KIF4A: variants seen among roughly 807,000 people sequenced by gnomAD.
KIF4A encodes the protein kinesin family member 4A.
Under a neutral mutation model 105.9 loss-of-function variants are expected in KIF4A, and 7 were observed. The observed-to-expected ratio is 0.07, with a 90% CI of 0.04 to 0.12. The LOEUF is 0.12. KIF4A is among the 10% of genes least tolerant of loss of function. The pLI is 1.00. For synonymous variants in KIF4A, 281 were observed against 331.3 expected (o/e 0.85, Z 1.65); for missense variants, 558 against 929.2 (o/e 0.60, Z 5.19).
At chrX:70,364,977 C>T (rs1229382790) in intron 15 of KIF4A, among the ~76,000 whole-genome samples, 2 of 111,116 alleles carry the variant, frequency 1.8e-5, no homozygotes, top group South Asian at 3.8e-4. Flanking sequence ...AAGTTGGATT[C>T]CTAGGTATTT....
chrX:70,403,037 A>ATG (rs1305511263), intron 23 of KIF4A, among the ~76,000 whole-genome samples: 1 of 111,950 alleles, frequency 8.9e-6, no homozygotes, highest in Non-Finnish European at 1.9e-5. Context: ...CCCCTATGAG[A>ATG]TGTATATTCA....
chrX:70,395,808 T>G lies in KIF4A; in HGVS notation c.2370T>G (p.Asn790Lys), dbSNP rs781733037. 8.3e-7 allele frequency: 1 copy of G among 1,211,407 alleles called. No individual in the cohort carries two copies. The highest frequency in any genetic ancestry group is 1.1e-6 in the Non-Finnish European group (1 of 895,416). ...QLKEKKESGE[N>K]PPPKLRRRTF... ...AAGAAAAAAAGGAATCTGGGGAGAATCCACCTCCTAAACTCCGGGTAAGTA... is the reference window on the plus strand; with the variant it reads ...AAGAAAAAAAGGAATCTGGGGAGAAGCCACCTCCTAAACTCCGGGTAAGTA... Residue 790 changes from asparagine to lysine, a missense_variant, in exon 21 of 31, where the codon AAT (asparagine) becomes AAG (lysine). Asn to Lys is a moderately conservative substitution (Grantham distance 94, BLOSUM62 0). Around this residue, in one of 2 missense-constraint regions of KIF4A, gnomAD observed 469 missense variants for 680.4 expected, o/e 0.69. Transcript: ENST00000374403.
intron 13 of KIF4A, among the ~76,000 whole-genome samples, chrX:70,346,434 T>A (rs1283670751): frequency 1.8e-5 from 2 of 111,375 alleles, no homozygotes; most frequent in Non-Finnish European, 3.8e-5. Context: ...CTTAGAGGAT[T>A]AATACCACCT....
chrX:70,303,762 A>AT (rs993647319), intron 7 of KIF4A, among the ~76,000 whole-genome samples: 3 of 110,375 alleles, frequency 2.7e-5, no homozygotes, highest in Non-Finnish European at 3.8e-5. Flanking sequence ...ATATCAGTGG[A>AT]TTTTAGTATA....
chrX:70,302,448 C>G, intron 7 of KIF4A, 50 bp downstream of exon 7: 1 of 1,115,163 alleles, frequency 9.0e-7, no homozygotes, highest in African/African-American at 1.8e-5. Context: ...TTCTAGTACT[C>G]TTGTTGGTAT....
At chrX:70,389,591 CCCATGGT>C (rs2086230766) in intron 20 of KIF4A, among the ~76,000 whole-genome samples, 1 of 112,465 alleles carries the variant, frequency 8.9e-6, no homozygotes, top group Non-Finnish European at 1.9e-5. Flanking sequence ...ATTTGTCAAA[CCCATGGT>C]CGCTAAGATT....
chrX:70,380,321 A>T (rs1414992006), intron 18 of KIF4A, among the ~76,000 whole-genome samples: 1 of 111,839 alleles, frequency 8.9e-6, no homozygotes, highest in Non-Finnish European at 1.9e-5. Context: ...AAAAAAAAGG[A>T]TGATACACTT....
chrX:70,418,751 A>T (rs1400800912), intron 29 of KIF4A, among the ~76,000 whole-genome samples: 1 of 111,981 alleles, frequency 8.9e-6, no homozygotes, highest in African/African-American at 3.2e-5. Flanking sequence ...GCATTTCTTG[A>T]ACATCCACAT....
chrX:70,331,183 G>A (rs1428296118), intron 9 of KIF4A, among the ~76,000 whole-genome samples: 1 of 111,150 alleles, frequency 9.0e-6, no homozygotes, highest in African/African-American at 3.3e-5. Flanking sequence ...GTTTTTGTGA[G>A]GGTTAAATGA....
At chrX:70,419,270 C>T (rs1166116586) in intron 29 of KIF4A, among the ~76,000 whole-genome samples, 2 of 111,987 alleles carry the variant, frequency 1.8e-5, no homozygotes, top group African/African-American at 3.2e-5. Flanking sequence ...CTCCCTCCTC[C>T]CATCTCTATC....
intron 15 of KIF4A, among the ~76,000 whole-genome samples, chrX:70,364,593 GA>G (rs2086092586): frequency 4.6e-5 from 5 of 108,210 alleles, no homozygotes; most frequent in South Asian, 4.3e-4. Flanking sequence ...CTGTTCCATT[GA>G]TCTATATCTC....
At chrX:70,290,339 A>C (rs754743984) in intron 1 of KIF4A, 99 bp from the exon 2 acceptor site, 20 of 997,987 alleles carry the variant, frequency 2.0e-5, no homozygotes, top group Non-Finnish European at 2.7e-5. Flanking sequence ...CTCCCAAGTC[A>C]GTGTTCCCGC....
intron 18 of KIF4A, among the ~76,000 whole-genome samples, chrX:70,380,361 C>T (rs1352342459): frequency 9.0e-6 from 1 of 111,149 alleles, no homozygotes; most frequent in Non-Finnish European, 1.9e-5. Context: ...CTGAAAAATG[C>T]AAAGTTTGTT....
chrX:70,374,744 A>G (rs147884502), intron 16 of KIF4A, among the ~76,000 whole-genome samples: 1 of 112,150 alleles, frequency 8.9e-6, no homozygotes, highest in East Asian at 2.8e-4. Flanking sequence ...AGATAACCAT[A>G]ACATCCTACT....
rs1280981607 is a variant in KIF4A, at chrX:70,374,151, G to C, written c.1675G>C (p.Asp559His). The C allele has an allele frequency of 8.8e-7, 1 of 1,139,255 alleles. No homozygotes were observed. The highest frequency in any genetic ancestry group is 2.2e-5 in the Admixed American group (1 of 45,253). 93.9% of individuals were successfully genotyped at this position (1,139,255 alleles called of 1,213,427 possible). ...QLQPIQYQYQDNIKELELEVI... is the reference protein window; with the variant it reads ...QLQPIQYQYQHNIKELELEVI... ...TCTCTTTGACCTATAACCTTTCTAGGATAACATAAAAGAGCTAGAATTAGA... is the reference window on the plus strand; with the variant it reads ...TCTCTTTGACCTATAACCTTTCTAGCATAACATAAAAGAGCTAGAATTAGA... Residue 559 changes from aspartate to histidine, a missense_variant and splice_region_variant, in exon 16 of 31, where the codon GAT (aspartate) becomes CAT (histidine). By Grantham distance (81) the Asp-to-His change is moderately conservative. Transcript: ENST00000374403.
intron 13 of KIF4A, among the ~76,000 whole-genome samples, chrX:70,345,662 G>A (rs1014145823): frequency 9.0e-6 from 1 of 110,961 alleles, no homozygotes; most frequent in African/African-American, 3.3e-5. Flanking sequence ...GTTGGAGATT[G>A]TTTCATTTTT....
chrX:70,309,958 G>T (rs1244649823), intron 7 of KIF4A, among the ~76,000 whole-genome samples: 1 of 112,151 alleles, frequency 8.9e-6, no homozygotes, highest in Non-Finnish European at 1.9e-5. Flanking sequence ...CACGAGATTT[G>T]CTTGAACCTG....
intron 18 of KIF4A, among the ~76,000 whole-genome samples, chrX:70,376,679 A>G (rs1432307286): frequency 8.9e-6 from 1 of 112,154 alleles, no homozygotes; most frequent in Non-Finnish European, 1.9e-5. Flanking sequence ...TTGTAGACAC[A>G]TTCAAGGAAT....
intron 14 of KIF4A, among the ~76,000 whole-genome samples, chrX:70,353,033 T>G (rs1265451988): frequency 1.8e-5 from 2 of 111,936 alleles, no homozygotes; most frequent in Non-Finnish European, 3.8e-5. Flanking sequence ...CAGAAGAGAA[T>G]TTTTTCTATG....
Sources: allele counts gnomAD v4.1 joint callset (sites outside exome capture counted in the v4.1 genomes callset), GRCh38; gene constraint gnomAD v4.1.1; regional missense constraint gnomAD v4.1.1; transcripts MANE v1.5; gene names NCBI Gene and HGNC (gene_info 2026-07-23, HGNC 2026-07-21).